CSNK1A1: variants seen among roughly 807,000 people sequenced by gnomAD.
CSNK1A1 encodes the protein casein kinase I isoform alpha.
Under a neutral mutation model 46.1 loss-of-function variants are expected in CSNK1A1, and 7 were observed. The observed-to-expected ratio is 0.15, with a 90% CI of 0.09 to 0.29. The LOEUF is 0.29. Ranked by LOEUF, CSNK1A1 falls within the 10% of genes least tolerant of loss-of-function variation. The pLI, the probability that CSNK1A1 is intolerant of heterozygous loss-of-function variation, is 1.00. For synonymous variants in CSNK1A1, 137 were observed against 141.5 expected (o/e 0.97, Z 0.23); for missense variants, 96 against 417.1 (o/e 0.23, Z 6.71).
At chr5:149,508,521 A>G (rs549882325) in intron 7 of CSNK1A1, among the ~76,000 whole-genome samples, 1 of 152,298 alleles carries the variant, frequency 6.6e-6, no homozygotes. Context: ...CTTTTTATGG[A>G]TGAGATCATG....
Position 149,513,213 on chromosome 5 carries a change from T to C in CSNK1A1, c.457-4A>G. ...AACCAAAATCAATAAGGAATAACTTTAAAAGAGAAATACAGAAACATTAGG... is the reference window on the plus strand; with the variant it reads ...AACCAAAATCAATAAGGAATAACTTCAAAAGAGAAATACAGAAACATTAGG... On this transcript the variant is annotated splice_region_variant and splice_polypyrimidine_tract_variant and intron_variant, in intron 4 of 9. Transcript: ENST00000377843. 2 of 1,610,868 alleles carry C rather than the reference T, an allele frequency of 1.2e-6. No homozygotes were observed. The highest frequency in any genetic ancestry group is 2.2e-5 in the South Asian group (2 of 90,448).
rs541115606 is a variant in CSNK1A1, at chr5:149,502,876, C to A, written c.1006+2571G>T. ...CTCCACCTCCCAGGTTCAAGCAATT[C>A]TCCTGCCTCAGCCTCCCAAATAGCT... On this transcript the variant is annotated intron_variant, in intron 9 of 9. Coordinates refer to ENST00000377843, the MANE Select transcript of CSNK1A1 (RefSeq NM_001892.6). The A allele has an allele frequency of 4.8e-5, 31 of 642,392 alleles. No individual in the cohort carries two copies. In the South Asian group the frequency reaches 1.5e-3, roughly 32 times the overall value. 39.8% of individuals were successfully genotyped at this position (642,392 alleles called of 1,614,324 possible). A position where few individuals can be genotyped will look rare whatever the true frequency, so the allele number is the denominator to read the frequency against.
At chr5:149,511,909 T>C in intron 5 of CSNK1A1, 37 bp from the exon 6 acceptor site, 1 of 1,477,606 alleles carries the variant, frequency 6.8e-7, no homozygotes, top group Non-Finnish European at 9.4e-7. Context: ...ACTGGAACTA[T>C]TATTATGAAA....
chr5:149,545,538 C>A, intron 2 of CSNK1A1: 2 of 664,064 alleles, frequency 3.0e-6, no homozygotes, highest in South Asian at 1.6e-5. Context: ...ACTTCCCAAG[C>A]TTGGGGTGGA....
intron 9 of CSNK1A1, among the ~76,000 whole-genome samples, chr5:149,499,967 C>CTTTTTTTTTTTTTTTTTTTTTTTTTTTT (rs1162496799): frequency 1.3e-5 from 1 of 77,710 alleles, no homozygotes. Context: ...TTCTTTTTTT[C>CTTTTTTTTTTTTTTTTTTTTTTTTTTTT]TTTTTTTTTT....
chr5:149,538,014 G>GTTTTT lies in CSNK1A1; in HGVS notation c.230+12056_230+12060dup, dbSNP rs890909710. 4.1e-3 allele frequency among the ~76,000 whole-genome samples: 353 copies of GTTTTT among 85,712 alleles called. 14 individuals are homozygous for GTTTTT. The highest frequency in any genetic ancestry group is 9.8e-3 in the Middle Eastern group (1 of 102). 56.2% of individuals were successfully genotyped at this position (85,712 alleles called of 152,430 possible). On this transcript the variant is annotated intron_variant, in intron 2 of 9. Transcript: ENST00000377843. ...TTGTCTGTTCAATGAAGTGTGCCCA[G>GTTTTT]TTTTTTTTTTTTTTTTTTTTTTTTT...
At position 149,534,482 on chromosome 5, in the gene CSNK1A1, C is replaced by CAAA. The variant is rs10597922; in HGVS notation, c.231-9314_231-9312dup. On this transcript the variant is annotated intron_variant, in intron 2 of 9. Transcript: ENST00000377843. ...CTGGCGACAGAGCGAGACTCTGTCTCAAAAAAAAAAAAAAAAAAAAAAAAA... is the reference window on the plus strand; with the variant it reads ...CTGGCGACAGAGCGAGACTCTGTCTCAAAAAAAAAAAAAAAAAAAAAAAAAAAA... Among the ~76,000 whole-genome samples, 44 of 94,986 alleles carry CAAA rather than the reference C, an allele frequency of 4.6e-4. 1 individual carries two copies. The highest frequency in any genetic ancestry group is 1.5e-3 in the African/African-American group (36 of 23,614). The allele number at this position is 94,986 out of a possible 152,430, so 62.3% of individuals were successfully genotyped here. A position where few individuals can be genotyped will look rare whatever the true frequency, so the allele number is the denominator to read the frequency against.
chr5:149,541,002 C>T (rs930625812), intron 2 of CSNK1A1, among the ~76,000 whole-genome samples: 2 of 151,918 alleles, frequency 1.3e-5, no homozygotes, highest in Admixed American at 1.3e-4. Context: ...ATCACTTGAA[C>T]CCAGGAGGCG....
At position 149,550,266 on chromosome 5, in the gene CSNK1A1, C is replaced by T; in HGVS notation, c.124-85G>A. ...AAAGGAGGGAGACATTAGCAAAACT[C>T]CAAGTCGCGACTACAAGAAGAAGTG... On this transcript the variant is annotated intron_variant, in intron 1 of 9. Transcript: ENST00000377843. This position sits in a 1 kb window ranked among gnomAD's most constrained non-coding sequence, Gnocchi z 4.3. 1.3e-6 allele frequency: 2 copies of T among 1,524,394 alleles called. No homozygotes were observed. Among genetic ancestry groups the T allele is most frequent in the South Asian group, 2.5e-5 (2 of 80,036 alleles). 94.4% of individuals were successfully genotyped at this position (1,524,394 alleles called of 1,614,324 possible). A position where few individuals can be genotyped will look rare whatever the true frequency, so the allele number is the denominator to read the frequency against.
Position 149,525,555 on chromosome 5 carries a change from T to C in CSNK1A1, c.231-384A>G, listed in dbSNP as rs1761702851. Among the ~76,000 whole-genome samples, 1 of 152,220 alleles carries C rather than the reference T, an allele frequency of 6.6e-6. No homozygotes were observed. Among genetic ancestry groups the C allele is most frequent in the African/African-American group, 2.4e-5 (1 of 41,454 alleles). On this transcript the variant is annotated intron_variant, in intron 2 of 9. Transcript: ENST00000377843. This position sits in a 1 kb window ranked among gnomAD's most constrained non-coding sequence, Gnocchi z 4.2. ...GATGACTCTATCAGTCATTCCAAAA[T>C]GTTTCAGAAAGCAAAGATTTCTTTT...
At chr5:149,539,293 A>G (rs1408631403) in intron 2 of CSNK1A1, among the ~76,000 whole-genome samples, 1 of 152,042 alleles carries the variant, frequency 6.6e-6, no homozygotes, top group Non-Finnish European at 1.5e-5. Flanking sequence ...GTGAGACTCT[A>G]TTTCTAAAAA....
chr5:149,541,218 T>C (rs1159922466), intron 2 of CSNK1A1, among the ~76,000 whole-genome samples: 1 of 150,258 alleles, frequency 6.7e-6, no homozygotes, highest in Non-Finnish European at 1.5e-5. Flanking sequence ...AGTGGCGTGA[T>C]CTCAGCTCAC....
At position 149,496,408 on chromosome 5, in the gene CSNK1A1, T is replaced by C. The variant is rs1580812144; in HGVS notation, c.*445A>G. The C allele has an allele frequency of 1.3e-5, 2 of 157,636 alleles. No homozygotes were observed. The highest frequency in any genetic ancestry group is 2.0e-4 in the South Asian group (1 of 4,934). The allele number at this position is 157,636 out of a possible 1,614,324, so 9.8% of individuals were successfully genotyped here. A position where few individuals can be genotyped will look rare whatever the true frequency, so the allele number is the denominator to read the frequency against. ...GCAAACCCCAGGGATGGAAAAACCCTAAGAATGCACAATTGTGAGCATTTA... is the reference window on the plus strand; with the variant it reads ...GCAAACCCCAGGGATGGAAAAACCCCAAGAATGCACAATTGTGAGCATTTA... On this transcript the variant is annotated 3_prime_UTR_variant, in exon 10 of 10. Transcript: ENST00000377843.
At chr5:149,499,135 G>A (rs1760744727) in intron 9 of CSNK1A1, 1 of 985,250 alleles carries the variant, frequency 1.0e-6, no homozygotes, top group South Asian at 4.7e-5. Context: ...TATTCAACAG[G>A]TATTCAACAG....
chr5:149,501,561 C>T (rs1194663368), intron 9 of CSNK1A1: 1 of 984,852 alleles, frequency 1.0e-6, no homozygotes, highest in Non-Finnish European at 1.2e-6. Flanking sequence ...ATTTGTAATC[C>T]CCTCTGAATG....
rs796661724 is a variant in CSNK1A1, at chr5:149,510,033, A to G, written c.676-80T>C. 4 of 899,762 alleles carry G rather than the reference A, an allele frequency of 4.4e-6. No homozygotes were observed. In the South Asian group the frequency reaches 6.3e-5, roughly 14 times the overall value. 55.7% of individuals were successfully genotyped at this position (899,762 alleles called of 1,614,324 possible). On this transcript the variant is annotated intron_variant, in intron 6 of 9. Transcript: ENST00000377843. ...TGGTAGTTTAACGCACTAGACATAT[A>G]AACATATACCTGTGAGATTCAAGAG...
chr5:149,542,617 TA>T (rs1762290147), intron 2 of CSNK1A1, among the ~76,000 whole-genome samples: 1 of 11,810 alleles, frequency 8.5e-5, no homozygotes, highest in African/African-American at 6.3e-4. Context: ...TATATATATA[TA>T]TATATATATA....
chr5:149,537,589 C>CAAACA (rs898351086), intron 2 of CSNK1A1, among the ~76,000 whole-genome samples: 2 of 151,392 alleles, frequency 1.3e-5, no homozygotes, highest in African/African-American at 4.9e-5. Context: ...ACATTAAAAA[C>CAAACA]AAACAAAACA....
At chr5:149,541,913 G>T (rs1762243541) in intron 2 of CSNK1A1, among the ~76,000 whole-genome samples, 1 of 140,534 alleles carries the variant, frequency 7.1e-6, no homozygotes, top group South Asian at 2.4e-4. Context: ...GGAGGTTGCA[G>T]TGAGTCAAGA....
Sources: gnomAD v4.1 joint callset for allele counts (sites outside exome capture counted in the v4.1 genomes callset) on GRCh38, gnomAD v4.1.1 for gene constraint, Gnocchi (gnomAD v3.1) non-coding constraint, MANE v1.5 for transcripts, NCBI Gene and HGNC (gene_info 2026-07-23, HGNC 2026-07-21) for gene names.